CCDC146: variants seen among roughly 807,000 people sequenced by gnomAD.
The protein encoded by CCDC146 is coiled-coil domain-containing protein 146.
CCDC146 carries 92 observed loss-of-function variants against 119.3 expected under a neutral mutation model. The ratio of observed to expected loss-of-function variants is 0.77; its 90% confidence interval spans 0.65 to 0.92. The LOEUF is 0.92. Among genes scored for constraint, CCDC146 ranks in the 40% least tolerant of loss-of-function variants. CCDC146 has a pLI of 0.00. For synonymous variants in CCDC146, 372 were observed against 371.8 expected (o/e 1.00, Z -0.01); for missense variants, 1,000 against 1,103.0 (o/e 0.91, Z 1.32).
chr7:77,266,590 G>A (rs1793406540), intron 9 of CCDC146, among the ~76,000 whole-genome samples: 1 of 152,046 alleles, frequency 6.6e-6, no homozygotes. Context: ...AAAGTAAATG[G>A]TATAGTCAGA....
At chr7:77,194,395 C>T (rs940913606) in intron 2 of CCDC146, 1 of 151,938 alleles carries the variant, frequency 6.6e-6, no homozygotes, top group African/African-American at 2.4e-5. Flanking sequence ...TTTGGTATCC[C>T]ACCTAATAGA....
Position 77,178,465 on chromosome 7 carries a change from G to A in CCDC146, c.156+10641G>A, listed in dbSNP as rs534475774. Among the ~76,000 whole-genome samples the A allele has an allele frequency of 6.6e-5, 10 of 152,300 alleles. No homozygotes were observed. The South Asian group carries it at 2.1e-3, about 32-fold the overall frequency. ...AGGCTAGGAATGGGAGGAAAACGCAGCAGTGGCCCTACCCTCAGTGGCCCA... is the reference window on the plus strand; with the variant it reads ...AGGCTAGGAATGGGAGGAAAACGCAACAGTGGCCCTACCCTCAGTGGCCCA... On this transcript the variant is annotated intron_variant, in intron 2 of 18. Transcript: ENST00000285871.
intron 7 of CCDC146, 63 bp from the exon 8 acceptor site, chr7:77,259,938 AAGTGTGTG>A (rs1286643032): frequency 2.3e-6 from 2 of 871,192 alleles, no homozygotes; most frequent in African/African-American, 2.1e-5. Flanking sequence ...AAAATAAGGC[AAGTGTGTG>A]TGTGTGTGTG....
intron 1 of CCDC146, among the ~76,000 whole-genome samples, chr7:77,125,430 G>C (rs927418661): frequency 6.6e-6 from 1 of 151,680 alleles, no homozygotes; most frequent in African/African-American, 2.4e-5. Context: ...TATACCACTT[G>C]ATAACAGTTG....
At chr7:77,247,749 A>T (rs113495190) in intron 4 of CCDC146, among the ~76,000 whole-genome samples, 7 of 152,244 alleles carry the variant, frequency 4.6e-5, no homozygotes, top group Non-Finnish European at 8.8e-5. Flanking sequence ...ATATCATTTT[A>T]TACCAGTCAG....
intron 1 of CCDC146, among the ~76,000 whole-genome samples, chr7:77,132,886 G>T (rs1394760451): frequency 2.0e-5 from 3 of 151,818 alleles, no homozygotes; most frequent in African/African-American, 7.3e-5. Context: ...AAAAGTGTTT[G>T]GTAGGCCGGG....
chr7:77,143,812 A>C (rs1452567410), intron 1 of CCDC146, among the ~76,000 whole-genome samples: 1 of 151,800 alleles, frequency 6.6e-6, no homozygotes, highest in African/African-American at 2.4e-5. Context: ...TGTTTTGGTT[A>C]CTGTGGCCTT....
At chr7:77,284,330 G>T (rs73706617) in intron 15 of CCDC146, among the ~76,000 whole-genome samples, 10,155 of 151,958 alleles carry the variant, frequency 0.067, 1,130 homozygotes, top group African/African-American at 0.23. Context: ...TGCCTAGCTC[G>T]ATTTCACTGG....
intron 4 of CCDC146, among the ~76,000 whole-genome samples, chr7:77,252,916 C>A (rs1019151706): frequency 2.6e-5 from 4 of 152,160 alleles, no homozygotes; most frequent in Non-Finnish European, 5.9e-5. Context: ...ACTCACCTTC[C>A]TTGGGCAAAT....
intron 17 of CCDC146, among the ~76,000 whole-genome samples, chr7:77,289,876 G>GC (rs1447721875): frequency 6.6e-6 from 1 of 152,216 alleles, no homozygotes; most frequent in Non-Finnish European, 1.5e-5. Context: ...TGTAGTGGTT[G>GC]CCATCCCATT....
At chr7:77,241,421 C>G (rs1792846531) in intron 3 of CCDC146, among the ~76,000 whole-genome samples, 1 of 97,158 alleles carries the variant, frequency 1.0e-5, no homozygotes, top group African/African-American at 2.7e-5. Flanking sequence ...TGGAATTTTT[C>G]TCATATTTAG....
At chr7:77,186,620 T>A (rs1245374284) in intron 2 of CCDC146, among the ~76,000 whole-genome samples, 60 of 151,980 alleles carry the variant, frequency 3.9e-4, no homozygotes, top group Non-Finnish European at 1.9e-4. Flanking sequence ...AATAACTAAG[T>A]ATAATTGGAT....
intron 5 of CCDC146, among the ~76,000 whole-genome samples, 187 bp downstream of exon 5, chr7:77,254,750 T>C (rs138326432): frequency 3.9e-5 from 6 of 152,332 alleles, no homozygotes; most frequent in African/African-American, 1.4e-4. Context: ...ATGCCTATTA[T>C]AGACTTTAGC....
At chr7:77,238,485 T>C (rs1333080018) in intron 3 of CCDC146, among the ~76,000 whole-genome samples, 1 of 152,054 alleles carries the variant, frequency 6.6e-6, no homozygotes, top group African/African-American at 2.4e-5. Context: ...GGCCTGGTCT[T>C]GGCTCACTGC....
intron 9 of CCDC146, among the ~76,000 whole-genome samples, chr7:77,267,782 C>T (rs751213529): frequency 8.5e-5 from 13 of 152,092 alleles, no homozygotes; most frequent in Non-Finnish European, 1.6e-4. Flanking sequence ...TTATAGTTTT[C>T]GGTGTGCTTA....
intron 2 of CCDC146, among the ~76,000 whole-genome samples, chr7:77,201,604 GA>G (rs894163443): frequency 3.6e-4 from 50 of 139,078 alleles, no homozygotes; most frequent in African/African-American, 4.5e-4. Flanking sequence ...GAGCACTTAA[GA>G]AAAAAAAAAA....
At chr7:77,202,474 T>G (rs1003555179) in intron 2 of CCDC146, among the ~76,000 whole-genome samples, 1 of 152,230 alleles carries the variant, frequency 6.6e-6, no homozygotes, top group Non-Finnish European at 1.5e-5. Flanking sequence ...AATGGCACAG[T>G]TTCCCCTAAA....
chr7:77,179,598 C>A (rs144548814), intron 2 of CCDC146, among the ~76,000 whole-genome samples: 1 of 151,966 alleles, frequency 6.6e-6, no homozygotes, highest in Non-Finnish European at 1.5e-5. Flanking sequence ...TCTGCTCTTG[C>A]AGATAATGAT....
At chr7:77,182,726 C>T (rs1422479834) in intron 2 of CCDC146, among the ~76,000 whole-genome samples, 1 of 152,090 alleles carries the variant, frequency 6.6e-6, no homozygotes. Flanking sequence ...GCCTGGGAGA[C>T]AGAGGTTGCA....
Sources: gnomAD v4.1 joint callset for allele counts (sites outside exome capture counted in the v4.1 genomes callset) on GRCh38, gnomAD v4.1.1 for gene constraint, MANE v1.5 for transcripts, NCBI Gene and HGNC (gene_info 2026-07-23, HGNC 2026-07-21) for gene names.